CPNE4: variants seen among roughly 807,000 people sequenced by gnomAD.
CPNE4 encodes copine-4.
In CPNE4, 25 loss-of-function variants were observed where a neutral mutation model predicts 67.9. That is an observed-to-expected ratio of 0.37 (90% CI 0.27 to 0.51). CPNE4 has a LOEUF of 0.51. Among genes scored for constraint, CPNE4 ranks in the 20% least tolerant of loss-of-function variants. The pLI is 0.93. For missense variants in CPNE4, 464 were observed against 690.8 expected (o/e 0.67, Z 3.68); for synonymous variants, 242 against 244.9 (o/e 0.99, Z 0.11).
At chr3:131,985,567 A>C (rs1490602033) in intron 1 of CPNE4, among the ~76,000 whole-genome samples, 1 of 152,198 alleles carries the variant, frequency 6.6e-6, no homozygotes, top group African/African-American at 2.4e-5. Context: ...CCAAGATTCA[A>C]AAACAGGTTT....
In CPNE4 at chr3:131,602,196, C is replaced by T. The variant is rs373766582; in HGVS notation, c.682-14614G>A. On this transcript the variant is annotated intron_variant, in intron 7 of 15. Transcript: ENST00000429747. ...ATATTCAGAAACACTACACAGAATA[C>T]CCAGGAGTCTGTGGTTTGTGACTAT... Among the ~76,000 whole-genome samples the T allele has an allele frequency of 2.0e-5, 3 of 152,210 alleles. No homozygotes were observed. The East Asian group carries it at 5.8e-4, about 29-fold the overall frequency.
chr3:131,654,403 T>A (rs2107629728), intron 7 of CPNE4, among the ~76,000 whole-genome samples: 1 of 152,248 alleles, frequency 6.6e-6, no homozygotes, highest in South Asian at 2.1e-4. Flanking sequence ...TCCTGTACCC[T>A]CTACCCTCAG....
Position 131,996,446 on chromosome 3 carries a change from TAGA to T in CPNE4, c.-2+38118_-2+38120del, listed in dbSNP as rs1404528041. Reference sequence around the variant, plus strand: ...AGTGAAGGCAGAGAAAGATGAGAACTAGAAGGAGACACTCAATAATGTCAGAGT... The same window carrying T: ...AGTGAAGGCAGAGAAAGATGAGAACTAGGAGACACTCAATAATGTCAGAGT... On this transcript the variant is annotated intron_variant, in intron 1 of 15. Transcript: ENST00000429747. Among the ~76,000 whole-genome samples the T allele has an allele frequency of 4.0e-5, 6 of 150,784 alleles. No homozygotes were observed. In the South Asian group the frequency reaches 8.4e-4, roughly 21 times the overall value.
At chr3:131,942,513 AG>A (rs56783988) in intron 1 of CPNE4, among the ~76,000 whole-genome samples, 2 of 112,282 alleles carry the variant, frequency 1.8e-5, no homozygotes, top group African/African-American at 6.9e-5. Flanking sequence ...AGAGAGAGAG[AG>A]ATCATTTTAT....
chr3:131,991,072 C>G (rs2073164425), intron 1 of CPNE4, among the ~76,000 whole-genome samples: 1 of 136,280 alleles, frequency 7.3e-6, no homozygotes, highest in Non-Finnish European at 1.7e-5. Context: ...TCAATTAAAC[C>G]TCTTTCCTTT....
intron 2 of CPNE4, among the ~76,000 whole-genome samples, chr3:131,862,045 C>T (rs1056962970): frequency 1.3e-5 from 2 of 152,170 alleles, no homozygotes; most frequent in East Asian, 1.9e-4. Flanking sequence ...ACAGATATTA[C>T]CCAGGGGCTC....
intron 1 of CPNE4, among the ~76,000 whole-genome samples, chr3:132,032,000 G>A (rs9857204): frequency 0.3 from 44,870 of 151,862 alleles, 6,771 homozygotes; most frequent in Non-Finnish European, 0.32. Flanking sequence ...TTTTTAATTA[G>A]AAATACACAA....
At chr3:131,840,717 TG>T (rs1472309325) in intron 2 of CPNE4, among the ~76,000 whole-genome samples, 1 of 152,198 alleles carries the variant, frequency 6.6e-6, no homozygotes, top group Non-Finnish European at 1.5e-5. Flanking sequence ...ATACGAATTC[TG>T]GCTTGTTAAT....
chr3:131,699,832 A>G (rs2081248367), intron 4 of CPNE4, 77 bp downstream of exon 4: 1 of 1,114,108 alleles, frequency 9.0e-7, no homozygotes, highest in Non-Finnish European at 1.3e-6. Flanking sequence ...TCTGCTTCCC[A>G]AGTGTCTGGT....
At chr3:131,880,498 C>T (rs2087633062) in intron 2 of CPNE4, among the ~76,000 whole-genome samples, 1 of 152,064 alleles carries the variant, frequency 6.6e-6, no homozygotes, top group South Asian at 2.1e-4. Context: ...GATGACTTTC[C>T]CCAAATCACA....
chr3:131,709,001 C>CACAT (rs2081493330), intron 3 of CPNE4, among the ~76,000 whole-genome samples: 1 of 46,050 alleles, frequency 2.2e-5, no homozygotes, highest in Non-Finnish European at 4.6e-5. Flanking sequence ...TATATACATA[C>CACAT]ACACATAATA....
At chr3:131,907,608 C>T (rs767551890) in intron 1 of CPNE4, among the ~76,000 whole-genome samples, 23 of 152,082 alleles carry the variant, frequency 1.5e-4, no homozygotes, top group Non-Finnish European at 2.9e-5. Context: ...CACACACTCA[C>T]TCCTGCACAC....
chr3:131,728,899 CAAAAAAAAA>C (rs34269107), intron 2 of CPNE4, among the ~76,000 whole-genome samples: 1 of 89,994 alleles, frequency 1.1e-5, no homozygotes, highest in Non-Finnish European at 2.1e-5. Flanking sequence ...AACAGAGCCT[CAAAAAAAAA>C]AAAAAAAAAA....
chr3:131,886,742 T>A (rs2087910419), intron 2 of CPNE4, among the ~76,000 whole-genome samples: 1 of 152,162 alleles, frequency 6.6e-6, no homozygotes, highest in South Asian at 2.1e-4. Context: ...TTTTGGAGCT[T>A]TAAGATGTGA....
At chr3:131,728,880 A>G (rs2082063752) in intron 2 of CPNE4, among the ~76,000 whole-genome samples, 1 of 137,986 alleles carries the variant, frequency 7.2e-6, no homozygotes, top group Admixed American at 8.1e-5. Context: ...ACTGCACTCC[A>G]GCCTGGGCAA....
intron 13 of CPNE4, 105 bp downstream of exon 13, chr3:131,552,335 G>A: frequency 1.1e-6 from 1 of 925,578 alleles, no homozygotes; most frequent in Non-Finnish European, 1.7e-6. Flanking sequence ...CAGAGATTCT[G>A]TGGACAATCG....
intron 2 of CPNE4, among the ~76,000 whole-genome samples, chr3:131,755,851 G>T (rs1455272490): frequency 1.3e-5 from 2 of 152,128 alleles, no homozygotes; most frequent in African/African-American, 2.4e-5. Flanking sequence ...CTAGTATTTT[G>T]AAGCATTTTC....
rs184135875 is a variant in CPNE4, at chr3:131,638,219, A to G, written c.681+31456T>C. On this transcript the variant is annotated intron_variant, in intron 7 of 15. Transcript: ENST00000429747. ...TACTAATATTGAATATAAATGGCCT[A>G]AATGTTCCACTTAAAAGATACAGAA... is the stretch of plus-strand genomic sequence containing the variant. 9.3e-4 allele frequency among the ~76,000 whole-genome samples: 141 copies of G among 152,310 alleles called. 1 individual carries two copies. The highest frequency in any genetic ancestry group is 8.0e-3 in the Admixed American group (122 of 15,304).
intron 1 of CPNE4, among the ~76,000 whole-genome samples, chr3:132,021,152 C>T (rs2073987110): frequency 6.6e-6 from 1 of 152,168 alleles, no homozygotes; most frequent in Non-Finnish European, 1.5e-5. Flanking sequence ...TGCCTCATCA[C>T]CTCTCTTGCT....
Sources: allele counts gnomAD v4.1 joint callset (sites outside exome capture counted in the v4.1 genomes callset), GRCh38; gene constraint gnomAD v4.1.1; transcripts MANE v1.5; gene names NCBI Gene and HGNC (gene_info 2026-07-23, HGNC 2026-07-21).